CARS1: variants seen among roughly 807,000 people sequenced by gnomAD.
CARS1 encodes cysteinyl-tRNA synthetase 1, also known as cysteine--tRNA ligase, cytoplasmic.
Under a neutral mutation model 106.2 loss-of-function variants are expected in CARS1, and 48 were observed. The ratio of observed to expected loss-of-function variants is 0.45; its 90% confidence interval spans 0.36 to 0.57. The LOEUF (loss-of-function observed/expected upper bound fraction) is 0.57, where lower values mean the gene tolerates loss of function less well. CARS1 is among the 20% of genes least tolerant of loss of function. The pLI is 0.00. For synonymous variants in CARS1, 409 were observed against 403.4 expected (o/e 1.01, Z -0.17); for missense variants, 968 against 1,057.2 (o/e 0.92, Z 1.17).
chr11:3,024,619 T>A (rs758747579), intron 10 of CARS1, among the ~76,000 whole-genome samples: 4 of 152,168 alleles, frequency 2.6e-5, no homozygotes, highest in Non-Finnish European at 4.4e-5. Context: ...AGCTCATTTT[T>A]AAATTTTTTG....
At chr11:3,014,743 G>C (rs765223194) in intron 17 of CARS1, among the ~76,000 whole-genome samples, 3 of 152,208 alleles carry the variant, frequency 2.0e-5, no homozygotes, top group Non-Finnish European at 4.4e-5. Flanking sequence ...CGCTAAGGCT[G>C]GCAAAAGGCA....
Position 3,028,739 on chromosome 11 carries a change from C to T in CARS1, c.1031+257G>A. ...ATTATGCAGCTCTGGGGCCCCATGA[C>T]TGATGGTCTTGGCTGCCGAGCTTCC... On this transcript the variant is annotated intron_variant, in intron 9 of 22. Transcript: ENST00000380525. The surrounding 1 kb of genome is among the most constrained non-coding windows in gnomAD (Gnocchi z 4.4). 1 of 520,866 alleles carries T rather than the reference C, an allele frequency of 1.9e-6. No individual in the cohort carries two copies. The highest frequency in any genetic ancestry group is 3.4e-6 in the Non-Finnish European group (1 of 294,830). The allele number at this position is 520,866 out of a possible 1,614,324, so 32.3% of individuals were successfully genotyped here.
intron 18 of CARS1, chr11:3,009,283 C>G (rs1390175110): frequency 6.6e-6 from 1 of 152,276 alleles, no homozygotes; most frequent in Admixed American, 6.5e-5. Flanking sequence ...GGTCCTGACA[C>G]AGGCTGCAAC....
At chr11:3,002,439 G>C (rs758242590) in intron 21 of CARS1, 102 bp downstream of exon 21, 83 of 1,560,750 alleles carry the variant, frequency 5.3e-5, no homozygotes, top group Non-Finnish European at 7.2e-5. Flanking sequence ...AGGGTCTGCA[G>C]GGGCCTGGCT....
Position 3,019,118 on chromosome 11 carries a change from G to A in CARS1, c.1395+21C>T, listed in dbSNP as rs773249363. 4.7e-6 allele frequency: 7 copies of A among 1,502,206 alleles called. No homozygotes were observed. The highest frequency in any genetic ancestry group is 5.3e-6 in the Non-Finnish European group (6 of 1,128,260). 93.1% of individuals were successfully genotyped at this position (1,502,206 alleles called of 1,614,324 possible). On this transcript the variant is annotated intron_variant, in intron 12 of 22. Coordinates refer to ENST00000380525, the MANE Select transcript of CARS1 (RefSeq NM_001014437.3). This position sits in a 1 kb window ranked among gnomAD's most constrained non-coding sequence, Gnocchi z 6.2. ...AACACTGTGCTCTTGCACCTGACAA[G>A]GGGACTCTGTTTTCACCTACCTCCG...
At position 3,017,156 on chromosome 11, in the gene CARS1, T is replaced by C; in HGVS notation, c.1867A>G (p.Asn623Asp). Residue 623 changes from asparagine (N) to aspartate (D), a missense_variant, in exon 16 of 23, where the codon AAC becomes GAC. Physicochemically the swap from Asn to Asp is conservative, Grantham distance 23. Transcript: ENST00000380525. This position sits in a 1 kb window ranked among gnomAD's most constrained non-coding sequence, Gnocchi z 4.9. ...AARKAVRKRP[N>D]QALLENIALY... ...GCGATGTTCTCCAGCAGAGCCTGGT[T>C]GGGCCTCTTCCTCACGGCTTTCCGG... 1 of 1,614,160 alleles carries C rather than the reference T, an allele frequency of 6.2e-7. No individual in the cohort carries two copies. Among genetic ancestry groups the C allele is most frequent in the South Asian group, 1.1e-5 (1 of 91,084 alleles).
chr11:3,023,770 A>C (rs185392446), intron 10 of CARS1, among the ~76,000 whole-genome samples: 105 of 152,338 alleles, frequency 6.9e-4, no homozygotes, highest in African/African-American at 2.5e-3. Context: ...GAGAAGAATC[A>C]GCTTTTGGCT....
Position 3,039,768 on chromosome 11 carries a change from C to A in CARS1, c.552+67G>T. 1 of 785,236 alleles carries A rather than the reference C, an allele frequency of 1.3e-6. No individual in the cohort carries two copies. Among genetic ancestry groups the A allele is most frequent in the Admixed American group, 2.9e-5 (1 of 34,920 alleles). 48.6% of individuals were successfully genotyped at this position (785,236 alleles called of 1,614,324 possible). A position where few individuals can be genotyped will look rare whatever the true frequency, so the allele number is the denominator to read the frequency against. ...CTCAAGCCTACATTATTTACTTATGCGAAAGTTCTATCTTCTTTTACACCA... is the reference window on the plus strand; with the variant it reads ...CTCAAGCCTACATTATTTACTTATGAGAAAGTTCTATCTTCTTTTACACCA... On this transcript the variant is annotated intron_variant, in intron 5 of 22. Transcript: ENST00000380525. This position sits in a 1 kb window ranked among gnomAD's most constrained non-coding sequence, Gnocchi z 5.6.
chr11:3,051,169 G>T (rs913342151), intron 1 of CARS1, among the ~76,000 whole-genome samples: 4 of 152,250 alleles, frequency 2.6e-5, no homozygotes, highest in Non-Finnish European at 4.4e-5. Context: ...GCCCCCAGGG[G>T]CTTGCTTAGC....
intron 10 of CARS1, among the ~76,000 whole-genome samples, chr11:3,023,325 T>G (rs1216465699): frequency 2.0e-5 from 3 of 152,196 alleles, no homozygotes; most frequent in East Asian, 3.8e-4. Flanking sequence ...CTCTAAGGAC[T>G]TTAAGAAATG....
At chr11:3,018,787 G>A (rs781744428) in intron 12 of CARS1, 38 bp from the exon 13 acceptor site, 1 of 1,598,592 alleles carries the variant, frequency 6.3e-7, no homozygotes, top group Non-Finnish European at 8.5e-7. Context: ...ACAGTCATGT[G>A]TTACTGGGGC....
At chr11:3,001,783 G>A (rs1162256593) in intron 22 of CARS1, among the ~76,000 whole-genome samples, 187 bp downstream of exon 22, 1 of 152,212 alleles carries the variant, frequency 6.6e-6, no homozygotes, top group East Asian at 1.9e-4. Context: ...TTGCCTAGCT[G>A]CCTGGGCTGT....
chr11:3,012,308 G>A lies in CARS1; in HGVS notation c.1987-32C>T, dbSNP rs777320688. ...AAAGAACAGTTTTGGTTCACTGAGA[G>A]CTGCTCACACTCCCATATTCATAAC... is the stretch of plus-strand genomic sequence containing the variant. On this transcript the variant is annotated intron_variant, in intron 17 of 22. Transcript: ENST00000380525. 105 of 1,575,034 alleles carry A rather than the reference G, an allele frequency of 6.7e-5. 1 individual carries two copies. In the East Asian group the frequency reaches 1.7e-3, roughly 26 times the overall value.
Position 3,029,529 on chromosome 11 carries a change from C to A in CARS1, c.802-86G>T, listed in dbSNP as rs1378652917. On this transcript the variant is annotated intron_variant, in intron 7 of 22. Coordinates refer to ENST00000380525, the MANE Select transcript of CARS1 (RefSeq NM_001014437.3). The surrounding 1 kb of genome is among the most constrained non-coding windows in gnomAD (Gnocchi z 5.9). ...TGCAGCTGGTGTGAGCCCATCAGTG[C>A]CCTGAATTCAAAGGTGCTGACCTTG... 1.4e-6 allele frequency: 2 copies of A among 1,476,000 alleles called. No individual in the cohort carries two copies. Among genetic ancestry groups the A allele is most frequent in the South Asian group, 1.2e-5 (1 of 82,338 alleles). The allele number at this position is 1,476,000 out of a possible 1,614,324, so 91.4% of individuals were successfully genotyped here. A position where few individuals can be genotyped will look rare whatever the true frequency, so the allele number is the denominator to read the frequency against.
At position 3,019,693 on chromosome 11, in the gene CARS1, G is replaced by A. The variant is rs1217190326; in HGVS notation, c.1267-426C>T. ...CACTGCACTCCAGCCTGGTGACAGA[G>A]TGACACTCTGTCTCAAAAAAAAAAA... On this transcript the variant is annotated intron_variant, in intron 11 of 22. Transcript: ENST00000380525. This position sits in a 1 kb window ranked among gnomAD's most constrained non-coding sequence, Gnocchi z 6.2. Among the ~76,000 whole-genome samples, 4 of 150,516 alleles carry A rather than the reference G, an allele frequency of 2.7e-5. No individual in the cohort carries two copies. Among genetic ancestry groups the A allele is most frequent in the Admixed American group, 2.6e-4 (4 of 15,114 alleles).
At chr11:3,023,813 T>A (rs983035803) in intron 10 of CARS1, among the ~76,000 whole-genome samples, 9 of 152,214 alleles carry the variant, frequency 5.9e-5, no homozygotes, top group Non-Finnish European at 1.0e-4. Flanking sequence ...TAATCTCTGA[T>A]TTTACTTTAT....
At position 3,017,295 on chromosome 11, in the gene CARS1, G is replaced by A; in HGVS notation, c.1728C>T (p.Asn576=). ...GAATTGCTGTCTTCTTGTCATAAAA[G>A]CTGAGCAACAAAGAGGAAGGAATGT... ...WGEEEAELNK[N]FYDKKTAIHK... The change falls in exon 16 of 23, where the codon AAC becomes AAT. Residue 576 remains asparagine (N), a splice_region_variant and synonymous_variant. Coordinates refer to ENST00000380525, the MANE Select transcript of CARS1 (RefSeq NM_001014437.3). The surrounding 1 kb of genome is among the most constrained non-coding windows in gnomAD (Gnocchi z 4.9). 6.2e-7 allele frequency: 1 copy of A among 1,611,222 alleles called. No homozygotes were observed. Among genetic ancestry groups the A allele is most frequent in the Non-Finnish European group, 8.5e-7 (1 of 1,177,518 alleles).
Position 3,040,183 on chromosome 11 carries a change from TA to T in CARS1, c.456-253del. On this transcript the variant is annotated intron_variant, in intron 4 of 22. Transcript: ENST00000380525. This position sits in a 1 kb window ranked among gnomAD's most constrained non-coding sequence, Gnocchi z 5.8. Reference sequence around the variant, plus strand: ...CTCTCCCTTATGATTTTCTTCATAATATTTTCTTTTCTCTGGCTTCCTTTAT... The same window carrying T: ...CTCTCCCTTATGATTTTCTTCATAATTTTTCTTTTCTCTGGCTTCCTTTAT... 4.7e-6 allele frequency: 2 copies of T among 425,334 alleles called. No homozygotes were observed. The highest frequency in any genetic ancestry group is 4.2e-6 in the Non-Finnish European group (1 of 239,710). 26.3% of individuals were successfully genotyped at this position (425,334 alleles called of 1,614,324 possible).
At chr11:3,035,458 TAGA>T (rs780172067) in intron 7 of CARS1, among the ~76,000 whole-genome samples, 5 of 152,294 alleles carry the variant, frequency 3.3e-5, no homozygotes, top group African/African-American at 4.8e-5. Context: ...CAAAATGTGG[TAGA>T]AGAAGAAGAA....
Sources: gnomAD v4.1 joint callset for allele counts (sites outside exome capture counted in the v4.1 genomes callset) on GRCh38, gnomAD v4.1.1 for gene constraint, Gnocchi (gnomAD v3.1) non-coding constraint, MANE v1.5 for transcripts, NCBI Gene and HGNC (gene_info 2026-07-23, HGNC 2026-07-21) for gene names.